Variants in P2RY12 observed in about 807,000 individuals in gnomAD.
P2RY12 encodes purinergic receptor P2Y12, also known as P2Y purinoceptor 12.
A neutral mutation model predicts 4.5 loss-of-function variants in P2RY12; 3 were observed. The ratio of observed to expected loss-of-function variants is 0.67; its 90% CI spans 0.31 to 1.74. P2RY12 has a LOEUF of 1.74. Ranked by LOEUF, P2RY12 falls within the 40% of genes most tolerant of loss-of-function variation. The pLI, the probability that P2RY12 is intolerant of heterozygous loss-of-function variation, is 0.09. For synonymous variants in P2RY12, 148 were observed against 154.1 expected, an observed-to-expected ratio of 0.96 and a Z score of 0.29; for missense variants, 356 against 407.8, an observed-to-expected ratio of 0.87 and a Z score of 1.09.
At chr3:151,355,056 TC>T (rs1338802827) in intron 1 of P2RY12, 13 of 1,141,798 alleles carry the variant, frequency 1.1e-5, no homozygotes, top group African/African-American at 3.1e-5. Context: ...AAAAAAAGTA[TC>T]CATTAAAAAT....
chr3:151,372,460 T>C, intron 1 of P2RY12: 1 of 766,286 alleles, frequency 1.3e-6, no homozygotes, highest in African/African-American at 1.7e-5. Flanking sequence ...TCAATAATAA[T>C]ACTGTTCATA....
intron 2 of P2RY12, 133 bp from the exon 3 acceptor site, chr3:151,338,992 A>G (rs1751429550): frequency 1.4e-6 from 1 of 736,248 alleles, no homozygotes. Flanking sequence ...AGTAGTTAGT[A>G]TGAACACAGA....
intron 1 of P2RY12, among the ~76,000 whole-genome samples, chr3:151,380,490 G>A (rs928714034): frequency 8.6e-5 from 13 of 151,716 alleles, no homozygotes; most frequent in African/African-American, 3.1e-4. Context: ...CCAGCTACTC[G>A]GGAGGCCAAG....
chr3:151,358,301 G>T (rs1291772251), intron 1 of P2RY12, among the ~76,000 whole-genome samples: 1 of 152,086 alleles, frequency 6.6e-6, no homozygotes, highest in Non-Finnish European at 1.5e-5. Context: ...TCAGGAAATA[G>T]AGAATTATTT....
At chr3:151,380,114 A>G (rs1711990162) in intron 1 of P2RY12, 1 of 1,567,910 alleles carries the variant, frequency 6.4e-7, no homozygotes, top group Non-Finnish European at 8.7e-7. Flanking sequence ...CCTTTGTAGT[A>G]TGTCTCTTTT....
At chr3:151,374,762 C>T (rs1441623433) in intron 1 of P2RY12, among the ~76,000 whole-genome samples, 1 of 152,006 alleles carries the variant, frequency 6.6e-6, no homozygotes, top group Non-Finnish European at 1.5e-5. Context: ...ATTTAAATTC[C>T]TTTCTTGTCC....
intron 1 of P2RY12, among the ~76,000 whole-genome samples, chr3:151,356,540 G>A (rs542646845): frequency 6.6e-6 from 1 of 152,050 alleles, no homozygotes; most frequent in African/African-American, 2.4e-5. Flanking sequence ...TTAAAGTTGT[G>A]TTCATAGTTT....
intron 1 of P2RY12, among the ~76,000 whole-genome samples, chr3:151,341,091 G>T (rs959107383): frequency 2.0e-5 from 3 of 152,068 alleles, no homozygotes; most frequent in Admixed American, 6.6e-5. Flanking sequence ...TGCTTTCTTG[G>T]GTGGTTAATT....
chr3:151,358,759 T>C (rs6782212), intron 1 of P2RY12, among the ~76,000 whole-genome samples: 111,570 of 152,082 alleles, frequency 0.73, 41,317 homozygotes, highest in South Asian at 0.86. Context: ...TTCGTACTTA[T>C]GTGAACAGTA....
chr3:151,338,265 C>CA lies in P2RY12; in HGVS notation c.580dup (p.Cys194LeufsTer8). ...GAAATTAATCCAGAAAATGACTTGA[C>CA]AGATGTAATTTACTATTTCATGCCA... On this transcript the variant is annotated frameshift_variant, in exon 3 of 3. Transcript: ENST00000302632. LOFTEE classifies it low-confidence loss of function (END_TRUNC). 1.2e-6 allele frequency: 2 copies of CA among 1,613,910 alleles called. No individual in the cohort carries two copies. Among genetic ancestry groups the CA allele is most frequent in the Non-Finnish European group, 1.7e-6 (2 of 1,179,878 alleles).
In P2RY12 at chr3:151,376,153, G is replaced by A. The variant is rs779824556; in HGVS notation, c.-180+8539C>T. ...CTGCAGCTTATCTGTTATCCTCATG[G>A]CATTAAAGAATGTACCGAGGGGGAC... On this transcript the variant is annotated intron_variant, in intron 1 of 2. Transcript: ENST00000302632. The A allele has an allele frequency of 1.9e-6, 3 of 1,609,264 alleles. No individual in the cohort carries two copies. The highest frequency in any genetic ancestry group is 2.2e-5 in the East Asian group (1 of 44,572).
chr3:151,352,200 G>T (rs1753317970), intron 1 of P2RY12, among the ~76,000 whole-genome samples: 1 of 152,108 alleles, frequency 6.6e-6, no homozygotes, highest in Non-Finnish European at 1.5e-5. Context: ...TCTACATTTT[G>T]ACTGTGACCT....
chr3:151,375,020 G>A (rs1325252428), intron 1 of P2RY12, among the ~76,000 whole-genome samples: 4 of 152,130 alleles, frequency 2.6e-5, no homozygotes, highest in Non-Finnish European at 5.9e-5. Flanking sequence ...TATTTTTACA[G>A]GCATGTTATA....
chr3:151,382,430 A>G (rs983404841), intron 1 of P2RY12, among the ~76,000 whole-genome samples: 2 of 152,154 alleles, frequency 1.3e-5, no homozygotes, highest in African/African-American at 4.8e-5. Context: ...TAGGCTAGCT[A>G]TATAATTATA....
chr3:151,377,944 T>C, intron 1 of P2RY12: 1 of 1,419,954 alleles, frequency 7.0e-7, no homozygotes, highest in Non-Finnish European at 9.4e-7. Context: ...GCTTTGGAGT[T>C]TCTGTTATAA....
chr3:151,353,861 G>A (rs957517668), intron 1 of P2RY12, among the ~76,000 whole-genome samples: 4 of 152,134 alleles, frequency 2.6e-5, no homozygotes, highest in Non-Finnish European at 4.4e-5. Context: ...CACAGTGCTG[G>A]CCGGGCGCGG....
rs201250691 is a variant in P2RY12 at position 151,362,073 on chromosome 3, TA to T, written c.-179-21314del. 5.6e-3 allele frequency among the ~76,000 whole-genome samples: 847 copies of T among 152,146 alleles called. 14 individuals are homozygous for T. Among genetic ancestry groups the T allele is most frequent in the African/African-American group, 0.019 (782 of 41,512 alleles). ...TTTGTCATACCTCGTATCCAGTTTG[TA>T]AATTCTGTGATCTCTGCCTTCCAAG... On this transcript the variant is annotated intron_variant, in intron 1 of 2. Coordinates refer to ENST00000302632, the MANE Select transcript of P2RY12 (RefSeq NM_022788.5).
intron 1 of P2RY12, among the ~76,000 whole-genome samples, chr3:151,349,224 G>T (rs1217728608): frequency 1.3e-5 from 2 of 151,852 alleles, no homozygotes; most frequent in Non-Finnish European, 2.9e-5. Flanking sequence ...CTTTCGTTAT[G>T]CTGTGACTAA....
intron 1 of P2RY12, among the ~76,000 whole-genome samples, chr3:151,374,352 A>AGCCG (rs1756560367): frequency 6.6e-6 from 1 of 152,142 alleles, no homozygotes; most frequent in South Asian, 2.1e-4. Context: ...GTTTGAGACC[A>AGCCG]GCCTGGCCAA....
Sources: allele counts gnomAD v4.1 joint callset (sites outside exome capture counted in the v4.1 genomes callset), GRCh38; gene constraint gnomAD v4.1.1; transcripts MANE v1.5; gene names NCBI Gene and HGNC (gene_info 2026-07-23, HGNC 2026-07-21).